Variants in DOCK10 observed in about 807,000 individuals in gnomAD.
DOCK10 encodes the protein dedicator of cytokinesis protein 10.
Under a neutral mutation model 280.1 loss-of-function variants are expected in DOCK10, and 145 were observed. That is an observed-to-expected ratio of 0.52 (90% confidence interval 0.45 to 0.59). The LOEUF is 0.59. Among genes scored for constraint, DOCK10 ranks in the 20% least tolerant of loss-of-function variants. DOCK10 has a pLI of 0.00. For synonymous variants in DOCK10, 915 were observed against 942.2 expected, an observed-to-expected ratio of 0.97 and a Z score of 0.53; for missense variants, 2,368 against 2,651.7, an observed-to-expected ratio of 0.89 and a Z score of 2.35.
intron 1 of DOCK10, among the ~76,000 whole-genome samples, chr2:224,979,611 CT>C (rs1050491040): frequency 6.6e-5 from 10 of 152,244 alleles, no homozygotes; most frequent in Non-Finnish European, 1.0e-4. Context: ...ACATTAGGGC[CT>C]TTCGCCTTGG....
chr2:224,836,835 G>A (rs1405440310), intron 25 of DOCK10, among the ~76,000 whole-genome samples: 13 of 151,934 alleles, frequency 8.6e-5, no homozygotes, highest in African/African-American at 2.4e-4. Context: ...TCCTGACCTC[G>A]TGATCCGCCC....
intron 1 of DOCK10, among the ~76,000 whole-genome samples, chr2:224,961,619 G>C (rs1704456455): frequency 6.6e-6 from 1 of 151,044 alleles, no homozygotes; most frequent in South Asian, 2.1e-4. Flanking sequence ...CGATTCTCCT[G>C]CCTCAGCCTC....
chr2:224,996,185 A>T (rs985117328), intron 1 of DOCK10, among the ~76,000 whole-genome samples: 10 of 152,192 alleles, frequency 6.6e-5, no homozygotes, highest in Non-Finnish European at 1.3e-4. Flanking sequence ...TGCTGTTTCT[A>T]ATCAGGCACA....
intron 1 of DOCK10, among the ~76,000 whole-genome samples, chr2:224,978,947 C>A (rs1460971344): frequency 7.1e-6 from 1 of 140,524 alleles, no homozygotes; most frequent in Non-Finnish European, 1.6e-5. Flanking sequence ...AACTCTGACA[C>A]CTTTTCCTTT....
At chr2:224,957,512 C>A (rs1165784083) in intron 1 of DOCK10, among the ~76,000 whole-genome samples, 1 of 152,042 alleles carries the variant, frequency 6.6e-6, no homozygotes, top group Non-Finnish European at 1.5e-5. Flanking sequence ...TAGTCTAGAA[C>A]TCCTGGTTTC....
chr2:224,779,792 G>A (rs1237150329), intron 50 of DOCK10, among the ~76,000 whole-genome samples: 1 of 152,130 alleles, frequency 6.6e-6, no homozygotes, highest in East Asian at 1.9e-4. Context: ...TTTATTCTAA[G>A]TGGGCTGTGG....
At chr2:224,831,012 C>A (rs1207686498) in intron 26 of DOCK10, among the ~76,000 whole-genome samples, 1 of 152,080 alleles carries the variant, frequency 6.6e-6, no homozygotes, top group Non-Finnish European at 1.5e-5. Flanking sequence ...CAGCTCACTG[C>A]AGTCTTGAAC....
intron 1 of DOCK10, among the ~76,000 whole-genome samples, chr2:225,010,001 A>G (rs281521): frequency 0.83 from 126,734 of 152,106 alleles, 53,040 homozygotes; most frequent in Middle Eastern, 0.9. Context: ...CCATTTTTTC[A>G]TGTGGCTAAG....
rs1698608022 is a variant in DOCK10, at chr2:224,876,035, C to T, written c.931+3G>A. 2 of 1,610,206 alleles carry T rather than the reference C, an allele frequency of 1.2e-6. No individual in the cohort carries two copies. Among genetic ancestry groups the T allele is most frequent in the African/African-American group, 1.3e-5 (1 of 74,734 alleles). On this transcript the variant is annotated splice_donor_region_variant and intron_variant, in intron 8 of 55. Transcript: ENST00000258390. The stretch of plus-strand genomic sequence containing the variant: ...GAAGGAAGACGGCTTCATATGCTCT[C>T]ACCCAGACCCAGATCAGTGAGCTCT...
chr2:224,859,089 A>G (rs1251423338), intron 14 of DOCK10, among the ~76,000 whole-genome samples: 1 of 152,212 alleles, frequency 6.6e-6, no homozygotes, highest in Non-Finnish European at 1.5e-5. Context: ...GACAGAAGGA[A>G]GCACTGTGGG....
At chr2:224,904,053 C>T (rs1032057123) in intron 3 of DOCK10, among the ~76,000 whole-genome samples, 5 of 152,054 alleles carry the variant, frequency 3.3e-5, no homozygotes, top group Admixed American at 6.5e-5. Context: ...TAGTGTTATA[C>T]ATTTAGTGTA....
chr2:225,000,501 T>C (rs913896389), intron 1 of DOCK10, among the ~76,000 whole-genome samples: 1 of 152,196 alleles, frequency 6.6e-6, no homozygotes, highest in African/African-American at 2.4e-5. Flanking sequence ...CGTAATTCAT[T>C]GAAAGCAATT....
chr2:224,956,625 G>GAAAAAAAAAAAAAAAA, intron 1 of DOCK10, among the ~76,000 whole-genome samples: 1 of 78,656 alleles, frequency 1.3e-5, no homozygotes, highest in Non-Finnish European at 2.3e-5. Flanking sequence ...CGCTACCTCA[G>GAAAAAAAAAAAAAAAA]AAAAAAAAAA....
At chr2:224,829,872 TA>T (rs1310079593) in intron 27 of DOCK10, among the ~76,000 whole-genome samples, 2 of 152,292 alleles carry the variant, frequency 1.3e-5, no homozygotes, top group Non-Finnish European at 1.5e-5. Flanking sequence ...GTCCCTCTTC[TA>T]AGCTTCCTTT....
chr2:224,781,236 T>A (rs779341000), intron 50 of DOCK10, among the ~76,000 whole-genome samples: 5 of 152,246 alleles, frequency 3.3e-5, no homozygotes, highest in Non-Finnish European at 7.3e-5. Flanking sequence ...TTTCTTATTA[T>A]AAAAGGTCTG....
intron 1 of DOCK10, among the ~76,000 whole-genome samples, chr2:224,958,322 G>A (rs1039323456): frequency 6.6e-6 from 1 of 152,106 alleles, no homozygotes; most frequent in African/African-American, 2.4e-5. Flanking sequence ...TTAGGAGGAG[G>A]AGCTCCGGGC....
chr2:224,804,333 C>G, intron 38 of DOCK10, 120 bp from the exon 39 acceptor site: 1 of 583,218 alleles, frequency 1.7e-6, no homozygotes, highest in South Asian at 2.5e-5. Context: ...GTGAATTAAT[C>G]AAAAATAAAA....
At chr2:224,977,971 T>C (rs1026872070) in intron 1 of DOCK10, among the ~76,000 whole-genome samples, 3 of 152,230 alleles carry the variant, frequency 2.0e-5, no homozygotes, top group African/African-American at 7.2e-5. Context: ...TCCTGGCAAC[T>C]TTCTTCATCC....
intron 27 of DOCK10, among the ~76,000 whole-genome samples, chr2:224,826,412 C>CA (rs1380547102): frequency 6.6e-6 from 1 of 152,150 alleles, no homozygotes; most frequent in Non-Finnish European, 1.5e-5. Flanking sequence ...AACAACATTG[C>CA]ACCTTTTAGA....
Sources: allele counts gnomAD v4.1 joint callset (sites outside exome capture counted in the v4.1 genomes callset), GRCh38; gene constraint gnomAD v4.1.1; transcripts MANE v1.5; gene names NCBI Gene and HGNC (gene_info 2026-07-23, HGNC 2026-07-21).